Variants in GLIS3 observed in about 807,000 individuals in gnomAD.
GLIS3 encodes GLIS family zinc finger 3.
GLIS3 carries 53 observed loss-of-function variants against 78.6 expected under a neutral mutation model. That is an observed-to-expected ratio of 0.67 (90% confidence interval 0.54 to 0.85). The LOEUF is 0.85. GLIS3 is among the 40% of genes least tolerant of loss of function. GLIS3 has a pLI of 0.00. For synonymous variants in GLIS3, 684 were observed against 509.9 expected (o/e 1.34, Z -4.60); for missense variants, 1,703 against 1,231.1 (o/e 1.38, Z -5.74).
chr9:3,991,985 C>T (rs868520499), intron 4 of GLIS3, among the ~76,000 whole-genome samples: 6 of 152,126 alleles, frequency 3.9e-5, no homozygotes, highest in Admixed American at 6.5e-5. Flanking sequence ...CCACCCTGCC[C>T]GGCCAGTAGG....
intron 4 of GLIS3, among the ~76,000 whole-genome samples, chr9:4,088,663 T>C (rs1187181642): frequency 2.0e-5 from 3 of 152,256 alleles, no homozygotes; most frequent in South Asian, 2.1e-4. Flanking sequence ...GTATTCCTAA[T>C]GCCAGAGAGT....
chr9:3,941,466 C>G (rs907106918), intron 4 of GLIS3, among the ~76,000 whole-genome samples: 1 of 151,892 alleles, frequency 6.6e-6, no homozygotes, highest in East Asian at 1.9e-4. Flanking sequence ...CATGCTGGTG[C>G]GCTGCACTTT....
At chr9:4,209,889 C>T (rs1291282406) in intron 2 of GLIS3, among the ~76,000 whole-genome samples, 3 of 152,140 alleles carry the variant, frequency 2.0e-5, no homozygotes, top group African/African-American at 7.2e-5. Flanking sequence ...ACCACTGCTC[C>T]AGGCCAAGAC....
chr9:4,026,639 T>TCAAAA (rs1823373013), intron 4 of GLIS3, among the ~76,000 whole-genome samples: 1 of 152,232 alleles, frequency 6.6e-6, no homozygotes, highest in Non-Finnish European at 1.5e-5. Flanking sequence ...CAGATCATTT[T>TCAAAA]GTGATAAATA....
At chr9:4,356,905 G>A in the GLIS3 span, among the ~76,000 whole-genome samples, 1 of 152,192 alleles carries the variant, frequency 6.6e-6, no homozygotes, top group African/African-American at 2.4e-5. Context: ...ATTATACCAG[G>A]AGCTGGAATT....
intron 4 of GLIS3, among the ~76,000 whole-genome samples, chr9:3,964,480 C>A (rs1817784278): frequency 6.6e-6 from 1 of 152,134 alleles, no homozygotes; most frequent in Admixed American, 6.5e-5. Flanking sequence ...TTCTAATTTT[C>A]CAGGAATTCA....
rs180795170 is a variant in GLIS3 at position 3,916,957 on chromosome 9, A to T, written c.1983+15403T>A. ...AGGGAGTCTAAAGATGTACAATGCA[A>T]AATCAGAATTATTCAGCAAGGGCAC... On this transcript the variant is annotated intron_variant, in intron 6 of 10. Transcript: ENST00000381971. Among the ~76,000 whole-genome samples, 61 of 152,330 alleles carry T rather than the reference A, an allele frequency of 4.0e-4. No individual in the cohort carries two copies. The East Asian group carries it at 0.012, about 29-fold the overall frequency.
At chr9:4,325,652 A>G (rs1324796209) in intron 2 of GLIS3, among the ~76,000 whole-genome samples, 1 of 152,154 alleles carries the variant, frequency 6.6e-6, no homozygotes, top group Non-Finnish European at 1.5e-5. Flanking sequence ...TACACTTAGG[A>G]TTCACTTCCA....
chr9:4,296,903 C>CAA (rs71324297), intron 1 of GLIS3, among the ~76,000 whole-genome samples: 20 of 114,158 alleles, frequency 1.8e-4, no homozygotes, highest in African/African-American at 6.6e-4. Context: ...TTCTCAATTG[C>CAA]AAAAAAAAAA....
intron 4 of GLIS3, among the ~76,000 whole-genome samples, chr9:4,027,202 C>T (rs1329716965): frequency 6.6e-6 from 1 of 152,196 alleles, no homozygotes; most frequent in Non-Finnish European, 1.5e-5. Context: ...TAAAAGTACA[C>T]ATTTATTTAA....
the GLIS3 span, among the ~76,000 whole-genome samples, chr9:4,445,734 G>A: frequency 3.9e-5 from 6 of 152,204 alleles, no homozygotes; most frequent in African/African-American, 7.2e-5. Context: ...GACACAGCAT[G>A]TTAGGCGCAA....
chr9:4,215,534 T>C (rs1820751166), intron 2 of GLIS3, among the ~76,000 whole-genome samples: 1 of 152,174 alleles, frequency 6.6e-6, no homozygotes, highest in Non-Finnish European at 1.5e-5. Context: ...TTCCTGAATT[T>C]CCCAATGCTC....
chr9:4,478,587 G>A, the GLIS3 span, among the ~76,000 whole-genome samples: 3 of 151,046 alleles, frequency 2.0e-5, no homozygotes, highest in East Asian at 5.8e-4. Flanking sequence ...TTCCAGCCTG[G>A]GCGACAGAGA....
At chr9:4,265,904 T>TTG (rs1554642313) in intron 2 of GLIS3, among the ~76,000 whole-genome samples, 80 of 76,382 alleles carry the variant, frequency 1.0e-3, no homozygotes, top group South Asian at 6.4e-3. Context: ...CTGGTTTTTT[T>TTG]TTTGTTTGTC....
At chr9:4,358,069 A>G in the GLIS3 span, among the ~76,000 whole-genome samples, 1 of 152,184 alleles carries the variant, frequency 6.6e-6, no homozygotes, top group Non-Finnish European at 1.5e-5. Context: ...AAGCAAGGAC[A>G]AGGGCAGAAC....
chr9:4,411,447 T>C, the GLIS3 span, among the ~76,000 whole-genome samples: 1 of 152,228 alleles, frequency 6.6e-6, no homozygotes, highest in Non-Finnish European at 1.5e-5. Context: ...ACATATTTTT[T>C]AGTTATCATG....
chr9:4,278,033 C>T (rs1370656112), intron 2 of GLIS3, among the ~76,000 whole-genome samples: 1 of 151,732 alleles, frequency 6.6e-6, no homozygotes, highest in Non-Finnish European at 1.5e-5. Flanking sequence ...AGTAAGTGAT[C>T]AATTTTTAAA....
At chr9:4,033,884 A>AC (rs1824080944) in intron 4 of GLIS3, among the ~76,000 whole-genome samples, 1 of 150,886 alleles carries the variant, frequency 6.6e-6, no homozygotes, top group African/African-American at 2.4e-5. Flanking sequence ...AAAAAAAAAA[A>AC]AAAAAACTAG....
chr9:4,468,628 G>C, the GLIS3 span, among the ~76,000 whole-genome samples: 8 of 152,320 alleles, frequency 5.3e-5, no homozygotes, highest in Admixed American at 5.2e-4. Flanking sequence ...AAGAGCTCCT[G>C]AAGGAAGCAC....
Sources: gnomAD v4.1 joint callset for allele counts (sites outside exome capture counted in the v4.1 genomes callset) on GRCh38, gnomAD v4.1.1 for gene constraint, MANE v1.5 for transcripts, NCBI Gene and HGNC (gene_info 2026-07-23, HGNC 2026-07-21) for gene names.